WWC2: variants seen among roughly 807,000 people sequenced by gnomAD.
WWC2 encodes WW and C2 domain containing 2.
In WWC2, 101 loss-of-function variants were observed where a neutral mutation model predicts 138.5. The observed-to-expected ratio is 0.73, with a 90% CI of 0.62 to 0.86. The LOEUF is 0.86. WWC2 is among the 40% of genes least tolerant of loss of function. The pLI, the probability that WWC2 is intolerant of heterozygous loss-of-function variation, is 0.00. For missense variants in WWC2, 1,420 were observed against 1,419.4 expected, an observed-to-expected ratio of 1.00 and a Z score of -0.01; for synonymous variants, 558 against 538.4, an observed-to-expected ratio of 1.04 and a Z score of -0.50.
intron 1 of WWC2, among the ~76,000 whole-genome samples, chr4:183,138,211 G>C (rs1318094073): frequency 2.0e-5 from 3 of 152,118 alleles, no homozygotes; most frequent in Non-Finnish European, 2.9e-5. Flanking sequence ...ATAACCTTTG[G>C]GCTGGAGTTT....
At chr4:183,146,212 G>A (rs1258971767) in intron 1 of WWC2, among the ~76,000 whole-genome samples, 2 of 152,162 alleles carry the variant, frequency 1.3e-5, no homozygotes, top group Non-Finnish European at 2.9e-5. Flanking sequence ...GATTGAACTA[G>A]TGAGCATGTA....
chr4:183,319,325 A>G lies in WWC2; in HGVS notation c.*3596A>G. The G allele has an allele frequency of 2.2e-6, 1 of 463,490 alleles. No individual in the cohort carries two copies. Among genetic ancestry groups the G allele is most frequent in the Non-Finnish European group, 3.8e-6 (1 of 265,794 alleles). 28.7% of individuals were successfully genotyped at this position (463,490 alleles called of 1,614,324 possible). A position where few individuals can be genotyped will look rare whatever the true frequency, so the allele number is the denominator to read the frequency against. On this transcript the variant is annotated 3_prime_UTR_variant, in exon 23 of 23. Transcript: ENST00000403733. ...CAATCGCTATTTTAAAATTGAGAAA[A>G]CTCATCCACAGTAATGGGTGTCATT...
chr4:183,148,183 G>GCAAA (rs1403110223), intron 1 of WWC2, among the ~76,000 whole-genome samples: 1 of 152,134 alleles, frequency 6.6e-6, no homozygotes, highest in African/African-American at 2.4e-5. Context: ...ACCTGACTTG[G>GCAAA]CAAAACTGAG....
chr4:183,316,453 A>G lies in WWC2; in HGVS notation c.*724A>G, dbSNP rs1381618974. ...TCATGACACTGAGGGCAGGGAGAAGAAAGAACACCAGCCACGCAGAGATAC... is the reference window on the plus strand; with the variant it reads ...TCATGACACTGAGGGCAGGGAGAAGGAAGAACACCAGCCACGCAGAGATAC... On this transcript the variant is annotated 3_prime_UTR_variant, in exon 23 of 23. Coordinates refer to ENST00000403733, the MANE Select transcript of WWC2 (RefSeq NM_024949.6). 1 of 152,274 alleles carries G rather than the reference A, an allele frequency of 6.6e-6. No individual in the cohort carries two copies. Among genetic ancestry groups the G allele is most frequent in the Non-Finnish European group, 1.5e-5 (1 of 68,058 alleles). The allele number at this position is 152,274 out of a possible 1,614,324, so 9.4% of individuals were successfully genotyped here. A position where few individuals can be genotyped will look rare whatever the true frequency, so the allele number is the denominator to read the frequency against.
rs529383459 is a variant in WWC2 at position 183,218,388 on chromosome 4, A to G, written c.522+9363A>G. ...TGACTAACACAGGTTGGACATTGGT[A>G]TATAAGTATCTGTTTGAGTCTCTGC... On this transcript the variant is annotated intron_variant, in intron 4 of 22. Transcript: ENST00000403733. Among the ~76,000 whole-genome samples the G allele has an allele frequency of 2.0e-5, 3 of 149,156 alleles. No individual in the cohort carries two copies. In the East Asian group the frequency reaches 6.2e-4, roughly 31 times the overall value.
intron 4 of WWC2, chr4:183,233,545 T>G (rs1736324375): frequency 6.6e-6 from 1 of 152,202 alleles, no homozygotes; most frequent in South Asian, 2.1e-4. Flanking sequence ...AGTATTTTCA[T>G]AAATGTTTTA....
intron 1 of WWC2, among the ~76,000 whole-genome samples, chr4:183,128,792 T>C (rs11132167): frequency 0.042 from 6,455 of 152,322 alleles, 166 homozygotes; most frequent in African/African-American, 0.069. Context: ...CAGGATTTTC[T>C]ACATTGGCAT....
At chr4:183,152,202 C>G (rs1192899775) in intron 1 of WWC2, among the ~76,000 whole-genome samples, 1 of 151,986 alleles carries the variant, frequency 6.6e-6, no homozygotes. Flanking sequence ...GTTCTATGTA[C>G]ATTTTAAAAA....
intron 1 of WWC2, among the ~76,000 whole-genome samples, chr4:183,175,543 G>A (rs905707721): frequency 2.0e-5 from 3 of 152,158 alleles, no homozygotes; most frequent in Admixed American, 6.5e-5. Flanking sequence ...GATTACAGGC[G>A]TGAGCCACCG....
At chr4:183,178,356 C>T (rs796391492) in intron 1 of WWC2, among the ~76,000 whole-genome samples, 36 of 149,448 alleles carry the variant, frequency 2.4e-4, no homozygotes, top group African/African-American at 6.6e-4. Flanking sequence ...GCCTGGGCTA[C>T]ACAGTGAGAC....
intron 12 of WWC2, 105 bp downstream of exon 12, chr4:183,265,212 T>C (rs1224825262): frequency 2.1e-6 from 3 of 1,403,126 alleles, no homozygotes; most frequent in African/African-American, 2.9e-5. Context: ...CTCTTTGGCT[T>C]AGTAAGGACT....
intron 4 of WWC2, among the ~76,000 whole-genome samples, chr4:183,224,306 C>T (rs756978186): frequency 2.0e-5 from 3 of 151,942 alleles, no homozygotes; most frequent in Non-Finnish European, 2.9e-5. Context: ...AGTAATTTAT[C>T]GTCTAGATTT....
intron 7 of WWC2, 118 bp downstream of exon 7, chr4:183,248,978 C>A: frequency 2.0e-6 from 2 of 1,023,360 alleles, no homozygotes; most frequent in Non-Finnish European, 2.7e-6. Context: ...TGTGTGCATT[C>A]AGTGTTCCAT....
chr4:183,151,660 T>G (rs1459370601), intron 1 of WWC2, among the ~76,000 whole-genome samples: 1 of 152,234 alleles, frequency 6.6e-6, no homozygotes, highest in African/African-American at 2.4e-5. Flanking sequence ...TTCTAGGGTT[T>G]TTATGGTTTT....
intron 15 of WWC2, among the ~76,000 whole-genome samples, chr4:183,270,506 G>A (rs1737664683): frequency 6.6e-6 from 1 of 152,124 alleles, no homozygotes; most frequent in South Asian, 2.1e-4. Flanking sequence ...GGTCATGCCT[G>A]TAATCCTAGC....
At chr4:183,262,159 A>G (rs1737349776) in intron 11 of WWC2, among the ~76,000 whole-genome samples, 1 of 152,234 alleles carries the variant, frequency 6.6e-6, no homozygotes, top group Admixed American at 6.5e-5. Context: ...AAACAGGAAA[A>G]ATATCATTTT....
chr4:183,299,107 G>T (rs1384111883), intron 21 of WWC2, among the ~76,000 whole-genome samples: 1 of 152,116 alleles, frequency 6.6e-6, no homozygotes, highest in Non-Finnish European at 1.5e-5. Flanking sequence ...AGATCCAGAG[G>T]CTGCAGCTGG....
chr4:183,228,661 A>G (rs1404982658), intron 4 of WWC2, among the ~76,000 whole-genome samples: 1 of 152,122 alleles, frequency 6.6e-6, no homozygotes, highest in Non-Finnish European at 1.5e-5. Context: ...CTAAAATCCA[A>G]AAGACGAACA....
At chr4:183,209,332 A>G (rs1315493708) in intron 4 of WWC2, among the ~76,000 whole-genome samples, 1 of 152,056 alleles carries the variant, frequency 6.6e-6, no homozygotes, top group African/African-American at 2.4e-5. Context: ...GGTTCAAGCA[A>G]TTCTCCCGCC....
Sources: gnomAD v4.1 joint callset for allele counts (sites outside exome capture counted in the v4.1 genomes callset) on GRCh38, gnomAD v4.1.1 for gene constraint, MANE v1.5 for transcripts, NCBI Gene and HGNC (gene_info 2026-07-23, HGNC 2026-07-21) for gene names.